The following TRPM3 variants were observed in gnomAD, a reference collection of about 807,000 sequenced individuals.
The protein encoded by TRPM3 is long transient receptor potential channel 3.
A neutral mutation model predicts 181.2 loss-of-function variants in TRPM3; 77 were observed. The observed-to-expected ratio is 0.42, with a 90% CI of 0.35 to 0.51. TRPM3 has a LOEUF of 0.51. Among genes scored for constraint, TRPM3 ranks in the 20% least tolerant of loss-of-function variants. The pLI, the probability that TRPM3 is intolerant of heterozygous loss-of-function variation, is 0.01. For missense variants in TRPM3, 1,759 were observed against 2,196.7 expected, an observed-to-expected ratio of 0.80 and a Z score of 3.98; for synonymous variants, 745 against 796.4, an observed-to-expected ratio of 0.94 and a Z score of 1.09.
At chr9:70,674,655 G>T (rs1424032745) in intron 9 of TRPM3, among the ~76,000 whole-genome samples, 1 of 151,624 alleles carries the variant, frequency 6.6e-6, no homozygotes. Flanking sequence ...GACCTCCTGG[G>T]CTCAAGCAAT....
At chr9:70,592,387 A>C (rs1477559310) in intron 21 of TRPM3, among the ~76,000 whole-genome samples, 1 of 152,212 alleles carries the variant, frequency 6.6e-6, no homozygotes, top group Non-Finnish European at 1.5e-5. Flanking sequence ...GGGTGAGTTC[A>C]TAGTATTTGT....
At chr9:70,842,976 T>C (rs1490560967) in intron 5 of TRPM3, 27 bp downstream of exon 5, 3 of 1,609,258 alleles carry the variant, frequency 1.9e-6, no homozygotes, top group Admixed American at 1.7e-5. Context: ...GGAGAAGTCA[T>C]GGAAAGCGAC....
chr9:71,349,492 A>G (rs769571617), intron 1 of TRPM3, among the ~76,000 whole-genome samples: 1 of 152,252 alleles, frequency 6.6e-6, no homozygotes, highest in Non-Finnish European at 1.5e-5. Context: ...AGACTTCAGC[A>G]TAACGTTCAG....
intron 20 of TRPM3, among the ~76,000 whole-genome samples, chr9:70,600,536 C>T (rs1198438528): frequency 1.3e-5 from 2 of 151,910 alleles, no homozygotes; most frequent in Non-Finnish European, 2.9e-5. Context: ...AACTTCAGTG[C>T]ACATCAGAAT....
intron 1 of TRPM3, among the ~76,000 whole-genome samples, chr9:70,973,373 T>C (rs2097265422): frequency 6.6e-6 from 1 of 152,218 alleles, no homozygotes; most frequent in African/African-American, 2.4e-5. Flanking sequence ...TGTAAGTATA[T>C]TAATTCTTAT....
At chr9:71,309,619 T>C (rs2087727226) in intron 1 of TRPM3, among the ~76,000 whole-genome samples, 2 of 152,284 alleles carry the variant, frequency 1.3e-5, no homozygotes, top group East Asian at 1.9e-4. Context: ...TTTGGTGTAA[T>C]TCTGAAATAA....
In TRPM3 at chr9:71,360,946, T is replaced by C. The variant is rs149486346; in HGVS notation, c.183+85707A>G. ...AGACATATGGCAGTTCATTATATTA[T>C]TCTCTCCTTTTGTGTATATTAAAAA... On this transcript the variant is annotated intron_variant, in intron 1 of 24. Coordinates refer to the TRPM3 transcript ENST00000357533. Among the ~76,000 whole-genome samples, 251 of 152,324 alleles carry C rather than the reference T, an allele frequency of 1.6e-3. 1 individual carries two copies. The highest frequency in any genetic ancestry group is 5.6e-3 in the African/African-American group (233 of 41,578).
At chr9:70,953,973 T>C (rs927478279) in intron 1 of TRPM3, among the ~76,000 whole-genome samples, 1 of 152,170 alleles carries the variant, frequency 6.6e-6, no homozygotes, top group Non-Finnish European at 1.5e-5. Flanking sequence ...GAAACTTCAG[T>C]GGGTCTTCTC....
chr9:71,115,409 T>G (rs1421689251), intron 1 of TRPM3, among the ~76,000 whole-genome samples: 2 of 152,238 alleles, frequency 1.3e-5, no homozygotes, highest in African/African-American at 4.8e-5. Flanking sequence ...ATCTTTCATG[T>G]GTTTGTTCAT....
At chr9:71,094,737 C>T (rs753442703) in intron 1 of TRPM3, among the ~76,000 whole-genome samples, 5 of 152,062 alleles carry the variant, frequency 3.3e-5, no homozygotes, top group Non-Finnish European at 7.4e-5. Flanking sequence ...CAGTGCCTGG[C>T]ACAGTGACTA....
chr9:70,579,672 G>A (rs2132319339), intron 22 of TRPM3, among the ~76,000 whole-genome samples: 1 of 152,294 alleles, frequency 6.6e-6, no homozygotes. Flanking sequence ...ACTGAACTGA[G>A]GAACCTGAGG....
At chr9:71,095,854 A>T (rs2067098845) in intron 1 of TRPM3, among the ~76,000 whole-genome samples, 1 of 152,014 alleles carries the variant, frequency 6.6e-6, no homozygotes. Flanking sequence ...ATCTTCTAAT[A>T]GCTGTAAAGA....
rs2061581103 is a variant in TRPM3, at chr9:70,664,651, T to TG, written c.1345+16854_1345+16855insC. Among the ~76,000 whole-genome samples, 34 of 86,686 alleles carry TG rather than the reference T, an allele frequency of 3.9e-4. 1 individual carries two copies. In the South Asian group the frequency reaches 0.014, roughly 36 times the overall value. The allele number at this position is 86,686 out of a possible 152,430, so 56.9% of individuals were successfully genotyped here. On this transcript the variant is annotated intron_variant, in intron 9 of 25. Transcript: ENST00000677713. ...CCGATTAGGAGAGTAGTTTTTTTTT[T>TG]TTTTTTTTTTTTTTTTTGAGACTGA...
At chr9:71,214,668 G>A (rs917375360) in intron 1 of TRPM3, among the ~76,000 whole-genome samples, 2 of 152,124 alleles carry the variant, frequency 1.3e-5, no homozygotes, top group African/African-American at 4.8e-5. Flanking sequence ...TGTTGGACAT[G>A]ATACACTATC....
At chr9:71,257,687 C>A (rs1384939791) in intron 1 of TRPM3, among the ~76,000 whole-genome samples, 2 of 152,244 alleles carry the variant, frequency 1.3e-5, no homozygotes, top group East Asian at 1.9e-4. Context: ...GAGGAAAATA[C>A]CTTCTTAAAA....
At chr9:70,898,513 G>A (rs1204643597) in intron 1 of TRPM3, among the ~76,000 whole-genome samples, 1 of 150,470 alleles carries the variant, frequency 6.6e-6, no homozygotes, top group East Asian at 2.0e-4. Flanking sequence ...ACTTTGGGAG[G>A]CCAAGGCGGG....
chr9:70,971,912 T>C (rs919967286), intron 1 of TRPM3, among the ~76,000 whole-genome samples: 2 of 152,088 alleles, frequency 1.3e-5, no homozygotes, highest in African/African-American at 4.8e-5. Context: ...CCAACCAGGA[T>C]GACTGTAATG....
rs193256902 is a variant in TRPM3 at position 70,761,080 on chromosome 9, C to T, written c.1272+521G>A. The T allele has an allele frequency of 4.3e-3, 932 of 218,514 alleles. 9 individuals are homozygous for T. The highest frequency in any genetic ancestry group is 0.022 in the African/African-American group (891 of 39,630). 13.5% of individuals were successfully genotyped at this position (218,514 alleles called of 1,614,324 possible). On this transcript the variant is annotated intron_variant, in intron 8 of 25. Transcript: ENST00000677713. The stretch of plus-strand genomic sequence containing the variant: ...CACCCTAGCAGGGTCTCTGATCATA[C>T]CACATTTGTAAGACATTTTGCTCTG...
intron 1 of TRPM3, among the ~76,000 whole-genome samples, chr9:70,872,415 T>A (rs1055777738): frequency 1.5e-4 from 23 of 151,944 alleles, no homozygotes; most frequent in African/African-American, 5.6e-4. Flanking sequence ...CAAGATCTCC[T>A]TGAGAGGACT....
Sources: gnomAD v4.1 joint callset for allele counts (sites outside exome capture counted in the v4.1 genomes callset) on GRCh38, gnomAD v4.1.1 for gene constraint, MANE v1.5 for transcripts, NCBI Gene and HGNC (gene_info 2026-07-23, HGNC 2026-07-21) for gene names.